Variants in ARB2A observed in about 807,000 individuals in gnomAD.
ARB2A encodes the protein cotranscriptional regulator ARB2A.
chr5:93,827,387 A>T, the ARB2A span, among the ~76,000 whole-genome samples: 1 of 152,188 alleles, frequency 6.6e-6, no homozygotes. Flanking sequence ...GGCTGCATAA[A>T]TGTCTTCTTT....
the ARB2A span, among the ~76,000 whole-genome samples, chr5:93,928,781 T>G: frequency 1.3e-5 from 2 of 152,046 alleles, no homozygotes; most frequent in Non-Finnish European, 2.9e-5. Flanking sequence ...GGTTCCAAAT[T>G]TAGATAAGGG....
chr5:93,951,780 G>A, the ARB2A span, among the ~76,000 whole-genome samples: 1 of 152,036 alleles, frequency 6.6e-6, no homozygotes, highest in East Asian at 1.9e-4. Flanking sequence ...TGTAATTATT[G>A]CTTATTGTAT....
chr5:94,026,448 AGT>A, the ARB2A span, among the ~76,000 whole-genome samples: 2 of 152,120 alleles, frequency 1.3e-5, no homozygotes, highest in African/African-American at 2.4e-5. Flanking sequence ...AACAGTTCTC[AGT>A]GGAGAAAGGA....
chr5:93,816,864 G>A, the ARB2A span, among the ~76,000 whole-genome samples: 3 of 151,950 alleles, frequency 2.0e-5, no homozygotes, highest in South Asian at 2.1e-4. Flanking sequence ...ATGAAATACC[G>A]AACAATTTCC....
chr5:93,658,128 C>T, the ARB2A span, among the ~76,000 whole-genome samples: 1 of 152,046 alleles, frequency 6.6e-6, no homozygotes, highest in African/African-American at 2.4e-5. Context: ...ACTGTACTAT[C>T]AGCTTGTCTG....
At chr5:93,883,771 G>A in the ARB2A span, among the ~76,000 whole-genome samples, 2 of 151,248 alleles carry the variant, frequency 1.3e-5, no homozygotes, top group African/African-American at 4.8e-5. Flanking sequence ...CTGGTGTAAG[G>A]AACATAGTCA....
chr5:93,719,338 G>T, the ARB2A span, among the ~76,000 whole-genome samples: 8 of 152,232 alleles, frequency 5.3e-5, no homozygotes, highest in South Asian at 8.3e-4. Flanking sequence ...CTTAGAGCTG[G>T]AAAGTATAGA....
At chr5:93,714,545 T>TA in the ARB2A span, among the ~76,000 whole-genome samples, 22 of 152,130 alleles carry the variant, frequency 1.4e-4, no homozygotes, top group Admixed American at 1.0e-3. Context: ...GATCTTAGAT[T>TA]AAAAAAAATT....
chr5:93,744,727 G>A, the ARB2A span, among the ~76,000 whole-genome samples: 1 of 152,214 alleles, frequency 6.6e-6, no homozygotes, highest in African/African-American at 2.4e-5. Context: ...GAGATCAGAG[G>A]AAGGCAGTTG....
At chr5:93,704,366 A>G in the ARB2A span, among the ~76,000 whole-genome samples, 1 of 152,110 alleles carries the variant, frequency 6.6e-6, no homozygotes, top group African/African-American at 2.4e-5. Flanking sequence ...ACTAGCCTAC[A>G]AGCATAGGGA....
chr5:93,683,742 G>A, the ARB2A span: 3 of 1,602,758 alleles, frequency 1.9e-6, no homozygotes, highest in Non-Finnish European at 2.6e-6. Flanking sequence ...CACTTAGGTA[G>A]GAGAGAAGGC....
chr5:93,741,378 C>T, the ARB2A span: 1 of 1,612,458 alleles, frequency 6.2e-7, no homozygotes, highest in Non-Finnish European at 8.5e-7. Flanking sequence ...CCAGGGGAAT[C>T]CTCCACACGT....
the ARB2A span, among the ~76,000 whole-genome samples, chr5:94,009,802 T>C: frequency 6.6e-6 from 1 of 152,162 alleles, no homozygotes; most frequent in East Asian, 1.9e-4. Context: ...TATATCCAAG[T>C]TGTTGAATTT....
chr5:93,880,822 G>A, the ARB2A span, among the ~76,000 whole-genome samples: 19 of 151,722 alleles, frequency 1.3e-4, no homozygotes, highest in East Asian at 2.9e-3. Flanking sequence ...GTAAAAGTTC[G>A]CTGGGTAGGA....
At chr5:94,023,235 T>TA in the ARB2A span, among the ~76,000 whole-genome samples, 1 of 152,206 alleles carries the variant, frequency 6.6e-6, no homozygotes, top group African/African-American at 2.4e-5. Flanking sequence ...TGTGTAATCT[T>TA]ACCCTATATG....
At chr5:93,685,811 T>C in the ARB2A span, among the ~76,000 whole-genome samples, 647 of 152,320 alleles carry the variant, frequency 4.2e-3, 2 homozygotes, top group Middle Eastern at 6.8e-3. Context: ...TTCCCAGGCC[T>C]TGAGTATGGG....
At chr5:93,621,354 G>A in the ARB2A span, among the ~76,000 whole-genome samples, 4 of 151,966 alleles carry the variant, frequency 2.6e-5, no homozygotes, top group Admixed American at 2.0e-4. Flanking sequence ...CTAGGGCTGC[G>A]GGGTCACTTG....
the ARB2A span, among the ~76,000 whole-genome samples, chr5:93,828,627 C>T: frequency 6.6e-6 from 1 of 152,128 alleles, no homozygotes; most frequent in Non-Finnish European, 1.5e-5. Context: ...CTAGTAGTGA[C>T]CTGTAGGATT....
At chr5:94,030,993 A>G in the ARB2A span, among the ~76,000 whole-genome samples, 5 of 152,322 alleles carry the variant, frequency 3.3e-5, no homozygotes, top group African/African-American at 1.2e-4. Context: ...AGTCTCCAGA[A>G]TTGTGAGCCA....
Sources: gnomAD v4.1 joint callset for allele counts (sites outside exome capture counted in the v4.1 genomes callset) on GRCh38, gnomAD v4.1.1 for gene constraint, MANE v1.5 for transcripts, NCBI Gene and HGNC (gene_info 2026-07-23, HGNC 2026-07-21) for gene names.